The following PIEZO2 variants were observed in gnomAD, a reference collection of about 807,000 sequenced individuals.
PIEZO2 encodes the protein piezo type mechanosensitive ion channel component 2, also known as piezo-type mechanosensitive ion channel component 2.
A neutral mutation model predicts 337.3 loss-of-function variants in PIEZO2; 172 were observed. That is an observed-to-expected ratio of 0.51 (90% CI 0.45 to 0.58). The LOEUF is 0.58. Ranked by LOEUF, PIEZO2 falls within the 20% of genes least tolerant of loss-of-function variation. The probability of loss-of-function intolerance (pLI) is 0.00; values close to 1 mark genes in which losing one functional copy is unlikely to be tolerated. For missense variants in PIEZO2, 3,028 were observed against 3,391.3 expected (o/e 0.89, Z 2.66); for synonymous variants, 1,251 against 1,228.5 (o/e 1.02, Z -0.38).
intron 21 of PIEZO2, among the ~76,000 whole-genome samples, chr18:10,764,000 T>G (rs2038249514): frequency 6.6e-6 from 1 of 152,126 alleles, no homozygotes; most frequent in African/African-American, 2.4e-5. Flanking sequence ...ACAGCAACGC[T>G]GATAGGGAAG....
intron 2 of PIEZO2, among the ~76,000 whole-genome samples, chr18:11,046,734 T>C (rs949287117): frequency 1.3e-5 from 2 of 152,180 alleles, no homozygotes; most frequent in East Asian, 3.9e-4. Flanking sequence ...ATGTCGACCA[T>C]TTAGTTCTGC....
chr18:10,753,103 G>A (rs1295121649), intron 27 of PIEZO2, among the ~76,000 whole-genome samples: 1 of 152,102 alleles, frequency 6.6e-6, no homozygotes, highest in Non-Finnish European at 1.5e-5. Flanking sequence ...ACCTTATTCA[G>A]GCCAAATTTC....
intron 45 of PIEZO2, among the ~76,000 whole-genome samples, chr18:10,697,003 G>A (rs2035122403): frequency 6.6e-6 from 1 of 152,202 alleles, no homozygotes; most frequent in South Asian, 2.1e-4. Context: ...CAGACTTGGA[G>A]TGCTTGGTCC....
At chr18:11,091,240 C>G (rs1267729639) in intron 1 of PIEZO2, among the ~76,000 whole-genome samples, 3 of 151,572 alleles carry the variant, frequency 2.0e-5, no homozygotes, top group Non-Finnish European at 4.4e-5. Context: ...AAAAATTAGC[C>G]GTGCATGGTG....
chr18:10,742,815 T>C (rs535114534), intron 31 of PIEZO2, among the ~76,000 whole-genome samples, 200 bp from the exon 32 acceptor site: 301 of 152,152 alleles, frequency 2.0e-3, no homozygotes, highest in African/African-American at 6.9e-3. Flanking sequence ...TGTGTGTGTG[T>C]GTGTGTGTGT....
intron 18 of PIEZO2, among the ~76,000 whole-genome samples, chr18:10,776,827 T>C (rs1235566102): frequency 6.6e-6 from 1 of 151,724 alleles, no homozygotes; most frequent in Non-Finnish European, 1.5e-5. Context: ...TCCTAGCAAA[T>C]AAAAAGAAAA....
chr18:10,675,349 A>G (rs554064049), intron 53 of PIEZO2, 61 bp from the exon 54 acceptor site: 1 of 1,113,424 alleles, frequency 9.0e-7, no homozygotes, highest in Admixed American at 2.8e-5. Flanking sequence ...CCTAAAATTG[A>G]TTTTTTGTTG....
rs745769805 is a variant in PIEZO2, at chr18:10,788,408, CA to C, written c.2169+670del. On this transcript the variant is annotated intron_variant, in intron 15 of 55. Coordinates refer to ENST00000674853, the MANE Select transcript of PIEZO2 (RefSeq NM_001378183.1). ...TAAGGGACAGAGCAAGACCCTGTCT[CA>C]AAAAAAAAAAAAGAAAGAAAGGAAG... 2.7e-3 allele frequency among the ~76,000 whole-genome samples: 177 copies of C among 66,484 alleles called. 1 individual carries two copies. Among genetic ancestry groups the C allele is most frequent in the Admixed American group, 4.6e-3 (23 of 4,972 alleles). 43.6% of individuals were successfully genotyped at this position (66,484 alleles called of 152,430 possible).
rs1196403849 is a variant in PIEZO2, at chr18:10,731,456, T to C, written c.4980A>G (p.Lys1660=). The C allele has an allele frequency of 1.3e-6, 2 of 1,535,914 alleles. No individual in the cohort carries two copies. The highest frequency in any genetic ancestry group is 4.9e-5 in the East Asian group (2 of 40,818). ...TALRQRHKEK[K]RSAREERKRR... The stretch of plus-strand genomic sequence containing the variant: ...GTTTCCGTTCTTCTCTTGCAGACCT[T>C]TTTTTCTCTTTGTGTCTTTGTCGGA... Residue 1660 remains lysine, a synonymous_variant, in exon 36 of 56, where the codon AAA becomes AAG. Coordinates refer to ENST00000674853, the MANE Select transcript of PIEZO2 (RefSeq NM_001378183.1).
At position 11,016,709 on chromosome 18, in the gene PIEZO2, A is replaced by C. The variant is rs1223314338; in HGVS notation, c.161-37049T>G. On this transcript the variant is annotated intron_variant, in intron 2 of 55. Transcript: ENST00000674853. The surrounding 1 kb of genome is among the most constrained non-coding windows in gnomAD (Gnocchi z 5.6). ...AAGAAATCATGTTTCATGATGAAAA[A>C]CTCCATCAAATAATGTAATGTTTTT... 6.6e-6 allele frequency among the ~76,000 whole-genome samples: 1 copy of C among 152,008 alleles called. No individual in the cohort carries two copies. Among genetic ancestry groups the C allele is most frequent in the Non-Finnish European group, 1.5e-5 (1 of 68,008 alleles).
rs1046626590 is a variant in PIEZO2 at position 11,097,640 on chromosome 18, A to T, written c.65-31418T>A. Among the ~76,000 whole-genome samples, 8 of 152,152 alleles carry T rather than the reference A, an allele frequency of 5.3e-5. No homozygotes were observed. The highest frequency in any genetic ancestry group is 1.9e-4 in the African/African-American group (8 of 41,428). On this transcript the variant is annotated intron_variant, in intron 1 of 55. Coordinates refer to ENST00000674853, the MANE Select transcript of PIEZO2 (RefSeq NM_001378183.1). This position sits in a 1 kb window ranked among gnomAD's most constrained non-coding sequence, Gnocchi z 5.0. Reference sequence around the variant, plus strand: ...ACCTGGATGCTCCCCTTCACATATTAGTTTCATTTCAAGTCCTCTTTAGTA... The same window carrying T: ...ACCTGGATGCTCCCCTTCACATATTTGTTTCATTTCAAGTCCTCTTTAGTA...
intron 2 of PIEZO2, among the ~76,000 whole-genome samples, chr18:11,022,753 GCATAGAA>G (rs2036359462): frequency 6.6e-6 from 1 of 152,194 alleles, no homozygotes; most frequent in Non-Finnish European, 1.5e-5. Context: ...CCTTACATGT[GCATAGAA>G]CTCTAGGCTA....
rs1464807057 is a variant in PIEZO2, at chr18:10,929,276, C to CA, written c.287-18049dup. Among the ~76,000 whole-genome samples the CA allele has an allele frequency of 3.9e-5, 6 of 152,302 alleles. No individual in the cohort carries two copies. Among genetic ancestry groups the CA allele is most frequent in the Admixed American group, 2.0e-4 (3 of 15,302 alleles). The stretch of plus-strand genomic sequence containing the variant: ...AGAAATTAAAAGTGTGAGCGAGCTG[C>CA]AAACGTGCACGCATCATATGAAGGT... On this transcript the variant is annotated intron_variant, in intron 3 of 55. Transcript: ENST00000674853. This position sits in a 1 kb window ranked among gnomAD's most constrained non-coding sequence, Gnocchi z 5.6.
At position 10,800,230 on chromosome 18, in the gene PIEZO2, T is replaced by C. The variant is rs75043767; in HGVS notation, c.1378+107A>G. 17,939 of 1,409,688 alleles carry C rather than the reference T, an allele frequency of 0.013. 134 individuals are homozygous for C. Among genetic ancestry groups the C allele is most frequent in the Non-Finnish European group, 0.015 (16,079 of 1,065,960 alleles). The allele number at this position is 1,409,688 out of a possible 1,614,324, so 87.3% of individuals were successfully genotyped here. A position where few individuals can be genotyped will look rare whatever the true frequency, so the allele number is the denominator to read the frequency against. ...AGAAGTGAGGTTAATGACACTGACA[T>C]GGATACAGTTTTTAAAAAAATAAAA... On this transcript the variant is annotated intron_variant, in intron 11 of 55. Coordinates refer to ENST00000674853, the MANE Select transcript of PIEZO2 (RefSeq NM_001378183.1).
At position 10,781,456 on chromosome 18, in the gene PIEZO2, C is replaced by G. The variant is rs772355272; in HGVS notation, c.2493-1090G>C. Among the ~76,000 whole-genome samples, 1 of 141,548 alleles carries G rather than the reference C, an allele frequency of 7.1e-6. No homozygotes were observed. Among genetic ancestry groups the G allele is most frequent in the Non-Finnish European group, 1.5e-5 (1 of 65,996 alleles). 92.9% of individuals were successfully genotyped at this position (141,548 alleles called of 152,430 possible). ...CTGCACTCCAGCTTGGGCAACAGAG[C>G]GAGACTCCGTTTCAAATAAAAAAAA... On this transcript the variant is annotated intron_variant, in intron 17 of 55. Transcript: ENST00000674853. The surrounding 1 kb of genome is among the most constrained non-coding windows in gnomAD (Gnocchi z 4.1).
intron 1 of PIEZO2, among the ~76,000 whole-genome samples, chr18:11,117,041 G>A (rs1012807025): frequency 6.6e-6 from 1 of 152,108 alleles, no homozygotes; most frequent in East Asian, 1.9e-4. Flanking sequence ...CCTGGGAGGT[G>A]GAGGTTGCAG....
At chr18:11,067,681 T>C (rs973067555) in intron 1 of PIEZO2, among the ~76,000 whole-genome samples, 4 of 152,182 alleles carry the variant, frequency 2.6e-5, no homozygotes, top group Admixed American at 6.5e-5. Context: ...TGTAAATATA[T>C]ATGCACCCAA....
In PIEZO2 at chr18:10,676,815, G is replaced by A. The variant is rs1053513533; in HGVS notation, c.8081+932C>T. On this transcript the variant is annotated intron_variant, in intron 53 of 55. Coordinates refer to ENST00000674853, the MANE Select transcript of PIEZO2 (RefSeq NM_001378183.1). The surrounding 1 kb of genome is among the most constrained non-coding windows in gnomAD (Gnocchi z 5.1). ...ACGAGTGAAGTGGGTACCCACGATC[G>A]GGTGGCAGACATGAATGACAAGAGG... is the stretch of plus-strand genomic sequence containing the variant. Among the ~76,000 whole-genome samples, 5 of 152,212 alleles carry A rather than the reference G, an allele frequency of 3.3e-5. No individual in the cohort carries two copies. Among genetic ancestry groups the A allele is most frequent in the African/African-American group, 9.6e-5 (4 of 41,452 alleles).
At chr18:10,865,423 G>C (rs1030975155) in intron 5 of PIEZO2, among the ~76,000 whole-genome samples, 1 of 152,162 alleles carries the variant, frequency 6.6e-6, no homozygotes, top group African/African-American at 2.4e-5. Flanking sequence ...TGCTTGGTGA[G>C]GATTGTGGCA....
Sources: gnomAD v4.1 joint callset for allele counts (sites outside exome capture counted in the v4.1 genomes callset) on GRCh38, gnomAD v4.1.1 for gene constraint, Gnocchi (gnomAD v3.1) non-coding constraint, MANE v1.5 for transcripts, NCBI Gene and HGNC (gene_info 2026-07-23, HGNC 2026-07-21) for gene names.